Variants in TENM2 observed in about 807,000 individuals in gnomAD.
TENM2 encodes the protein teneurin transmembrane protein 2.
In TENM2, 52 loss-of-function variants were observed where a neutral mutation model predicts 245.2. That is an observed-to-expected ratio of 0.21 (90% CI 0.17 to 0.27). The LOEUF (loss-of-function observed/expected upper bound fraction) is 0.27, where lower values mean the gene tolerates loss of function less well. Ranked by LOEUF, TENM2 falls within the 10% of genes least tolerant of loss-of-function variation. The pLI is 1.00. For missense variants in TENM2, 3,046 were observed against 3,666.8 expected, an observed-to-expected ratio of 0.83 and a Z score of 4.37; for synonymous variants, 1,363 against 1,438.9, an observed-to-expected ratio of 0.95 and a Z score of 1.19.
chr5:167,069,020 C>T, the TENM2 span, among the ~76,000 whole-genome samples: 6 of 152,144 alleles, frequency 3.9e-5, no homozygotes, highest in Non-Finnish European at 8.8e-5. Context: ...GAATGAAACT[C>T]ATATGCTCGT....
chr5:167,615,985 AGCTT>A (rs1294667548), intron 2 of TENM2, among the ~76,000 whole-genome samples: 2 of 152,194 alleles, frequency 1.3e-5, no homozygotes, highest in East Asian at 3.9e-4. Flanking sequence ...TAATCAGCTG[AGCTT>A]GCGAAGAATA....
intron 2 of TENM2, among the ~76,000 whole-genome samples, chr5:167,742,883 A>G (rs549528654): frequency 6.6e-6 from 1 of 151,954 alleles, no homozygotes; most frequent in African/African-American, 2.4e-5. Context: ...CAGAAGCACA[A>G]CTTGAGCCCA....
intron 2 of TENM2, among the ~76,000 whole-genome samples, chr5:167,617,397 T>A (rs1022364046): frequency 1.1e-4 from 16 of 152,202 alleles, no homozygotes; most frequent in African/African-American, 3.9e-4. Flanking sequence ...GAAGGAAGGC[T>A]ACATGAGAAC....
intron 9 of TENM2, among the ~76,000 whole-genome samples, chr5:168,109,094 T>C (rs1295850354): frequency 6.6e-6 from 1 of 152,174 alleles, no homozygotes; most frequent in Non-Finnish European, 1.5e-5. Flanking sequence ...AGACAGGCCA[T>C]GGACCATGAC....
At chr5:168,197,589 A>G (rs1319425731) in intron 15 of TENM2, among the ~76,000 whole-genome samples, 1 of 151,738 alleles carries the variant, frequency 6.6e-6, no homozygotes, top group Non-Finnish European at 1.5e-5. Flanking sequence ...AATTCCAGCT[A>G]CTTGGGAGGC....
intron 12 of TENM2, among the ~76,000 whole-genome samples, chr5:168,127,413 G>A (rs759694590): frequency 1.8e-4 from 28 of 152,222 alleles, no homozygotes; most frequent in Non-Finnish European, 3.2e-4. Flanking sequence ...GGTTCCCTCC[G>A]TAGCAGGTAC....
intron 3 of TENM2, among the ~76,000 whole-genome samples, chr5:167,878,819 T>A (rs1221594415): frequency 6.6e-6 from 1 of 152,192 alleles, no homozygotes; most frequent in Admixed American, 6.5e-5. Context: ...CAAAGTGGCC[T>A]TGTGTTTGGG....
intron 3 of TENM2, among the ~76,000 whole-genome samples, chr5:167,933,313 T>C (rs1204873879): frequency 6.6e-6 from 1 of 152,116 alleles, no homozygotes; most frequent in Non-Finnish European, 1.5e-5. Context: ...ACTTCAGAGA[T>C]GAACAGCAAA....
intron 9 of TENM2, among the ~76,000 whole-genome samples, chr5:168,107,729 G>T (rs1794368813): frequency 6.6e-6 from 1 of 152,184 alleles, no homozygotes; most frequent in Non-Finnish European, 1.5e-5. Context: ...TAAAGTGTGA[G>T]GCCCTGCTTC....
At chr5:167,291,967 C>A (rs1754666156) in intron 1 of TENM2, among the ~76,000 whole-genome samples, 1 of 152,138 alleles carries the variant, frequency 6.6e-6, no homozygotes. Flanking sequence ...GGAGGCCTCA[C>A]AATCATGGTA....
At chr5:167,726,024 C>A (rs1210802406) in intron 2 of TENM2, among the ~76,000 whole-genome samples, 1 of 152,210 alleles carries the variant, frequency 6.6e-6, no homozygotes, top group Admixed American at 6.5e-5. Context: ...AATTATCACA[C>A]CCCATTGTTA....
At chr5:167,262,996 C>T in the TENM2 span, among the ~76,000 whole-genome samples, 1 of 152,140 alleles carries the variant, frequency 6.6e-6, no homozygotes, top group Non-Finnish European at 1.5e-5. Flanking sequence ...GGCAAGCAGG[C>T]TCCCTCAGGC....
intron 2 of TENM2, among the ~76,000 whole-genome samples, chr5:167,408,070 C>G (rs770355056): frequency 1.3e-5 from 2 of 152,112 alleles, no homozygotes; most frequent in Non-Finnish European, 2.9e-5. Context: ...TTTCCTTATT[C>G]CACTGTGGCC....
Position 168,119,191 on chromosome 5 carries a change from G to T in TENM2, c.2008+705G>T, listed in dbSNP as rs143272925. On this transcript the variant is annotated intron_variant, in intron 10 of 28. Transcript: ENST00000518659. ...AGTGAGGATGCAGCAAGAGGGACGGGATTTGATGGATCCTGAAAATCTCAT... is the reference window on the plus strand; with the variant it reads ...AGTGAGGATGCAGCAAGAGGGACGGTATTTGATGGATCCTGAAAATCTCAT... Among the ~76,000 whole-genome samples, 32 of 152,342 alleles carry T rather than the reference G, an allele frequency of 2.1e-4. 1 individual carries two copies. The highest frequency in any genetic ancestry group is 7.0e-4 in the African/African-American group (29 of 41,576).
intron 2 of TENM2, among the ~76,000 whole-genome samples, chr5:167,775,826 G>A (rs1191922263): frequency 6.6e-6 from 1 of 152,086 alleles, no homozygotes; most frequent in Non-Finnish European, 1.5e-5. Flanking sequence ...TTATTTCTAG[G>A]AATTTATCCA....
the TENM2 span, among the ~76,000 whole-genome samples, chr5:167,102,396 G>T: frequency 6.6e-6 from 1 of 152,134 alleles, no homozygotes; most frequent in African/African-American, 2.4e-5. Context: ...AGGTTTTGTG[G>T]CCTAATGCTT....
At chr5:167,450,938 T>A (rs560295445) in intron 2 of TENM2, among the ~76,000 whole-genome samples, 17 of 152,374 alleles carry the variant, frequency 1.1e-4, no homozygotes, top group African/African-American at 4.1e-4. Flanking sequence ...TGATATCCGT[T>A]GTTAATATGA....
intron 2 of TENM2, among the ~76,000 whole-genome samples, chr5:167,655,225 C>T (rs1311262749): frequency 6.6e-6 from 1 of 152,056 alleles, no homozygotes; most frequent in Non-Finnish European, 1.5e-5. Context: ...AGACAGGAAG[C>T]AAGACAGCTC....
chr5:167,970,470 G>T (rs937439583), intron 4 of TENM2, among the ~76,000 whole-genome samples: 1 of 152,096 alleles, frequency 6.6e-6, no homozygotes, highest in African/African-American at 2.4e-5. Flanking sequence ...AAAACATCTC[G>T]ATGCATTTCC....
Sources: allele counts gnomAD v4.1 joint callset (sites outside exome capture counted in the v4.1 genomes callset), GRCh38; gene constraint gnomAD v4.1.1; transcripts MANE v1.5; gene names NCBI Gene and HGNC (gene_info 2026-07-23, HGNC 2026-07-21).